The following BAZ1A variants were observed in gnomAD, a reference collection of about 807,000 sequenced individuals.
BAZ1A encodes the protein bromodomain adjacent to zinc finger domain 1A, also known as bromodomain adjacent to zinc finger domain protein 1A.
In BAZ1A, 50 loss-of-function variants were observed where a neutral mutation model predicts 185.2. The ratio of observed to expected loss-of-function variants is 0.27; its 90% CI spans 0.22 to 0.34. The LOEUF (loss-of-function observed/expected upper bound fraction) is 0.34. Ranked by LOEUF, BAZ1A falls within the 10% of genes least tolerant of loss-of-function variation. BAZ1A has a pLI of 1.00. For missense variants in BAZ1A, 1,356 were observed against 1,839.9 expected, an observed-to-expected ratio of 0.74 and a Z score of 4.81; for synonymous variants, 571 against 615.6, an observed-to-expected ratio of 0.93 and a Z score of 1.07.
intron 3 of BAZ1A, 92 bp downstream of exon 3, chr14:34,861,952 G>C (rs1322726866): frequency 1.4e-6 from 2 of 1,405,828 alleles, no homozygotes; most frequent in African/African-American, 2.9e-5. Context: ...ATAGTAAAAG[G>C]GAAGATTTCC....
chr14:34,823,353 C>CAAA (rs550729836), intron 4 of BAZ1A, among the ~76,000 whole-genome samples: 1 of 125,404 alleles, frequency 8.0e-6, no homozygotes, highest in Non-Finnish European at 1.7e-5. Flanking sequence ...GACTCTGTCT[C>CAAA]AAAAAAAAAA....
chr14:34,767,759 C>A (rs1390900341), intron 21 of BAZ1A, among the ~76,000 whole-genome samples: 2 of 152,050 alleles, frequency 1.3e-5, no homozygotes, highest in African/African-American at 2.4e-5. Context: ...AGAATATTCT[C>A]ATTGGTAATG....
At chr14:34,850,052 G>A (rs1026472728) in intron 3 of BAZ1A, among the ~76,000 whole-genome samples, 7 of 151,856 alleles carry the variant, frequency 4.6e-5, no homozygotes, top group African/African-American at 1.2e-4. Context: ...ATATCTGTAC[G>A]CACAAATAGA....
chr14:34,768,483 G>C (rs756397892), intron 21 of BAZ1A, among the ~76,000 whole-genome samples: 12 of 152,136 alleles, frequency 7.9e-5, no homozygotes, highest in Non-Finnish European at 1.6e-4. Flanking sequence ...TTAGAAGAGT[G>C]ATTAGCTGAG....
intron 12 of BAZ1A, among the ~76,000 whole-genome samples, chr14:34,787,229 T>C (rs1880521354): frequency 6.7e-6 from 1 of 150,084 alleles, no homozygotes; most frequent in Non-Finnish European, 1.5e-5. Flanking sequence ...GGCGCATGCC[T>C]GTAGTCCCAG....
At chr14:34,873,396 C>T (rs1211767721) in intron 2 of BAZ1A, among the ~76,000 whole-genome samples, 1 of 152,190 alleles carries the variant, frequency 6.6e-6, no homozygotes, top group African/African-American at 2.4e-5. Context: ...CTTAGAGATC[C>T]TGTTTAAACA....
Position 34,780,244 on chromosome 14 carries a change from A to C in BAZ1A, c.2178T>G (p.Asp726Glu), listed in dbSNP as rs765965590. The change falls in exon 17 of 27, where the codon GAT (aspartate) becomes GAG (glutamate). Residue 726 changes from aspartate (D) to glutamate (E), a missense_variant. Coordinates refer to ENST00000360310, the MANE Select transcript of BAZ1A (RefSeq NM_013448.3). ...CTTCATCTTCAGTGACCATATCTTG[A>C]TCTAATTCCTTTTGCTCTGTGTCTT... The part of the protein sequence containing the change: ...ESKDTEQKEL[D>E]QDMVTEDEDD... The C allele has an allele frequency of 3.7e-6, 6 of 1,613,670 alleles. No individual in the cohort carries two copies. The South Asian group carries it at 5.5e-5, about 15-fold the overall frequency.
At chr14:34,816,126 C>G (rs2042003657) in intron 4 of BAZ1A, among the ~76,000 whole-genome samples, 1 of 112,008 alleles carries the variant, frequency 8.9e-6, no homozygotes, top group African/African-American at 3.5e-5. Flanking sequence ...CTCGCTCTGT[C>G]ACCCAGGCTG....
chr14:34,785,316 T>G (rs1467969207), intron 14 of BAZ1A, among the ~76,000 whole-genome samples: 1 of 152,242 alleles, frequency 6.6e-6, no homozygotes, highest in African/African-American at 2.4e-5. Context: ...AAGTAAGGTA[T>G]TCTACTTTAC....
At chr14:34,866,997 C>T (rs1430631662) in intron 2 of BAZ1A, among the ~76,000 whole-genome samples, 1 of 151,564 alleles carries the variant, frequency 6.6e-6, no homozygotes, top group Non-Finnish European at 1.5e-5. Context: ...TGGTGGCTCA[C>T]GCCTATAATC....
At chr14:34,784,358 A>T (rs1880269314) in intron 14 of BAZ1A, among the ~76,000 whole-genome samples, 1 of 96,724 alleles carries the variant, frequency 1.0e-5, no homozygotes, top group Non-Finnish European at 1.9e-5. Flanking sequence ...ACTGAGTGAG[A>T]CTCTGTCTCA....
chr14:34,806,350 A>C (rs1410429491), intron 6 of BAZ1A, among the ~76,000 whole-genome samples: 2 of 152,090 alleles, frequency 1.3e-5, no homozygotes, highest in Non-Finnish European at 2.9e-5. Flanking sequence ...TTTGTTACAT[A>C]GTTAACGTGT....
intron 21 of BAZ1A, among the ~76,000 whole-genome samples, chr14:34,766,806 G>T (rs1878874371): frequency 6.6e-6 from 1 of 152,222 alleles, no homozygotes; most frequent in Admixed American, 6.5e-5. Flanking sequence ...TCTGAGGAAT[G>T]AGAGTTAATC....
At chr14:34,832,614 ACACT>A (rs1204304744) in intron 3 of BAZ1A, among the ~76,000 whole-genome samples, 3 of 152,176 alleles carry the variant, frequency 2.0e-5, no homozygotes, top group African/African-American at 4.8e-5. Context: ...ATACGACTTC[ACACT>A]CACTAAGATG....
At chr14:34,784,367 CAAAAAAAAAAAAA>C (rs368815964) in intron 14 of BAZ1A, among the ~76,000 whole-genome samples, 29 of 77,178 alleles carry the variant, frequency 3.8e-4, no homozygotes, top group African/African-American at 1.5e-3. Context: ...GACTCTGTCT[CAAAAAAAAAAAAA>C]AAAAAAAAAA....
chr14:34,859,080 A>T (rs1252035322), intron 3 of BAZ1A, among the ~76,000 whole-genome samples: 4 of 152,210 alleles, frequency 2.6e-5, no homozygotes, highest in African/African-American at 7.2e-5. Context: ...TGGTACAGGT[A>T]CATCCCTTTA....
chr14:34,781,159 G>A (rs1400078112), intron 16 of BAZ1A, among the ~76,000 whole-genome samples: 2 of 152,204 alleles, frequency 1.3e-5, no homozygotes, highest in Admixed American at 6.5e-5. Context: ...AAGTTCTAAT[G>A]TAAGGACAGC....
At chr14:34,766,432 C>T (rs1232170817) in intron 21 of BAZ1A, among the ~76,000 whole-genome samples, 1 of 152,052 alleles carries the variant, frequency 6.6e-6, no homozygotes, top group Non-Finnish European at 1.5e-5. Flanking sequence ...GGACCTTGAG[C>T]TCCTGTTTGC....
Position 34,800,274 on chromosome 14 carries a change from T to C in BAZ1A, c.1078A>G (p.Arg360Gly). The C allele has an allele frequency of 1.4e-6, 2 of 1,438,044 alleles. No individual in the cohort carries two copies. Among genetic ancestry groups the C allele is most frequent in the Non-Finnish European group, 1.9e-6 (2 of 1,059,722 alleles). 89.1% of individuals were successfully genotyped at this position (1,438,044 alleles called of 1,614,324 possible). A position where few individuals can be genotyped will look rare whatever the true frequency, so the allele number is the denominator to read the frequency against. ...TCTTTTTCTTCTTTTTTCTTTAGTC[T>C]CTCTTCTTCAACAATTTTTTTCAAT... ...EELKKIVEEE[R>G]LKKKEEKERL... Residue 360 changes from arginine (R) to glycine (G), a missense_variant, in exon 9 of 27, where the codon AGA (arginine) becomes GGA (glycine). By Grantham distance (125) the Arg-to-Gly change is moderately radical. Coordinates refer to ENST00000360310, the MANE Select transcript of BAZ1A (RefSeq NM_013448.3).
Sources: gnomAD v4.1 joint callset for allele counts (sites outside exome capture counted in the v4.1 genomes callset) on GRCh38, gnomAD v4.1.1 for gene constraint, MANE v1.5 for transcripts, NCBI Gene and HGNC (gene_info 2026-07-23, HGNC 2026-07-21) for gene names.